The following NTSR1 variants were observed in gnomAD, a reference collection of about 807,000 sequenced individuals.
NTSR1 encodes neurotensin receptor 1.
A neutral mutation model predicts 31.2 loss-of-function variants in NTSR1; 29 were observed. That is an observed-to-expected ratio of 0.93 (90% CI 0.69 to 1.27). The LOEUF (loss-of-function observed/expected upper bound fraction) is 1.27, where lower values mean the gene tolerates loss of function less well. Ranked by LOEUF, NTSR1 falls within the 50% of genes most tolerant of loss-of-function variation. The pLI, the probability that NTSR1 is intolerant of heterozygous loss-of-function variation, is 0.00. For missense variants in NTSR1, 697 were observed against 595.4 expected (o/e 1.17, Z -1.78); for synonymous variants, 282 against 269.9 (o/e 1.04, Z -0.44).
At chr20:62,713,660 A>G (rs2147131450) in intron 1 of NTSR1, among the ~76,000 whole-genome samples, 1 of 152,308 alleles carries the variant, frequency 6.6e-6, no homozygotes, top group East Asian at 1.9e-4. Context: ...GTGTGGCCAA[A>G]TGGAAGGAGA....
chr20:62,709,021 G>A lies in NTSR1; in HGVS notation c.-187G>A. On this transcript the variant is annotated 5_prime_UTR_variant, in exon 1 of 4. Coordinates refer to ENST00000370501, the MANE Select transcript of NTSR1 (RefSeq NM_002531.3). ...GGGAGTCCGGAGGAGAGCGGAGCCC[G>A]GAGCCCGGAGCCCGGGGCGGCGCGT... is the stretch of plus-strand genomic sequence containing the variant. 1 of 466,008 alleles carries A rather than the reference G, an allele frequency of 2.1e-6. No homozygotes were observed. The highest frequency in any genetic ancestry group is 3.7e-6 in the Non-Finnish European group (1 of 270,444). The allele number at this position is 466,008 out of a possible 1,614,324, so 28.9% of individuals were successfully genotyped here.
Position 62,760,502 on chromosome 20 carries a change from G to C in NTSR1, c.*235G>C. The C allele has an allele frequency of 2.1e-6, 1 of 484,760 alleles. No homozygotes were observed. Among genetic ancestry groups the C allele is most frequent in the East Asian group, 3.1e-5 (1 of 32,260 alleles). 30.0% of individuals were successfully genotyped at this position (484,760 alleles called of 1,614,324 possible). On this transcript the variant is annotated 3_prime_UTR_variant, in exon 4 of 4. Coordinates refer to ENST00000370501, the MANE Select transcript of NTSR1 (RefSeq NM_002531.3). Reference sequence around the variant, plus strand: ...TCCCCCATCTCCTCTTTGAAAGCCAGAACAAGAGAGCGCTCCTCTCCCAGA... The same window carrying C: ...TCCCCCATCTCCTCTTTGAAAGCCACAACAAGAGAGCGCTCCTCTCCCAGA...
At chr20:62,722,704 C>A (rs550131099) in intron 1 of NTSR1, among the ~76,000 whole-genome samples, 13 of 152,360 alleles carry the variant, frequency 8.5e-5, no homozygotes, top group African/African-American at 2.6e-4. Flanking sequence ...GATGGGCTCA[C>A]CTTGTGAGTA....
chr20:62,748,419 GA>G (rs61641058), intron 1 of NTSR1, among the ~76,000 whole-genome samples: 6 of 150,778 alleles, frequency 4.0e-5, no homozygotes, highest in South Asian at 2.1e-4. Flanking sequence ...CACAGAAATA[GA>G]AAAAAAAATC....
chr20:62,737,072 TAC>T (rs1359861017), intron 1 of NTSR1, among the ~76,000 whole-genome samples: 2 of 152,210 alleles, frequency 1.3e-5, no homozygotes, highest in African/African-American at 4.8e-5. Context: ...CTTTATAAAC[TAC>T]ACAGTCTCGG....
At chr20:62,737,977 C>T (rs1284749922) in intron 1 of NTSR1, among the ~76,000 whole-genome samples, 1 of 82,886 alleles carries the variant, frequency 1.2e-5, no homozygotes, top group Non-Finnish European at 2.2e-5. Context: ...AAAATGGCCC[C>T]TTATCTCCCC....
intron 1 of NTSR1, among the ~76,000 whole-genome samples, chr20:62,740,511 G>A (rs978210721): frequency 6.6e-6 from 1 of 152,194 alleles, no homozygotes; most frequent in Non-Finnish European, 1.5e-5. Context: ...TAGGGTGAGC[G>A]GGAGACAGAT....
chr20:62,719,532 C>T (rs1295747549), intron 1 of NTSR1, among the ~76,000 whole-genome samples: 1 of 48,286 alleles, frequency 2.1e-5, no homozygotes, highest in African/African-American at 4.0e-5. Context: ...CTCTCCAGAG[C>T]TCTTTTCATC....
At chr20:62,737,828 G>A (rs1989124673) in intron 1 of NTSR1, among the ~76,000 whole-genome samples, 1 of 151,574 alleles carries the variant, frequency 6.6e-6, no homozygotes, top group South Asian at 2.1e-4. Flanking sequence ...TCCAAGTCCA[G>A]GATTGATGAC....
At chr20:62,712,196 C>T (rs1165550533) in intron 1 of NTSR1, among the ~76,000 whole-genome samples, 1 of 152,212 alleles carries the variant, frequency 6.6e-6, no homozygotes, top group Non-Finnish European at 1.5e-5. Context: ...AAAGGTTTCC[C>T]CGGAATTAGG....
At chr20:62,752,566 C>A (rs1162000832) in intron 1 of NTSR1, among the ~76,000 whole-genome samples, 1 of 152,236 alleles carries the variant, frequency 6.6e-6, no homozygotes, top group African/African-American at 2.4e-5. Context: ...GATCCTCCAA[C>A]GGGGGCAGCC....
rs537177448 is a variant in NTSR1, at chr20:62,741,333, GAA to G, written c.715-13349_715-13348del. 1.3e-5 allele frequency among the ~76,000 whole-genome samples: 2 copies of G among 150,456 alleles called. No individual in the cohort carries two copies. The highest frequency in any genetic ancestry group is 1.3e-4 in the Admixed American group (2 of 15,022). ...CTCTATAGCTCCAGCAATCAGGAGG[GAA>G]AAGATTCCAACTCCCACACTCAGGG... On this transcript the variant is annotated intron_variant, in intron 1 of 3. Coordinates refer to ENST00000370501, the MANE Select transcript of NTSR1 (RefSeq NM_002531.3). The surrounding 1 kb of genome is among the most constrained non-coding windows in gnomAD (Gnocchi z 4.3).
At chr20:62,749,866 G>A (rs6010666) in intron 1 of NTSR1, among the ~76,000 whole-genome samples, 13,006 of 152,176 alleles carry the variant, frequency 0.085, 715 homozygotes, top group African/African-American at 0.16. Flanking sequence ...AAATGGGTAC[G>A]GCTGTTACGG....
chr20:62,743,114 C>T lies in NTSR1; in HGVS notation c.715-11571C>T, dbSNP rs1405086279. Among the ~76,000 whole-genome samples, 3 of 149,404 alleles carry T rather than the reference C, an allele frequency of 2.0e-5. No homozygotes were observed. Among genetic ancestry groups the T allele is most frequent in the South Asian group, 2.1e-4 (1 of 4,756 alleles). ...AGAGAGTCAGGCTGGGAGGGGAGCA[C>T]GGAGCCGCCCCTGCTGGACACGTAT... On this transcript the variant is annotated intron_variant, in intron 1 of 3. Transcript: ENST00000370501. This position sits in a 1 kb window ranked among gnomAD's most constrained non-coding sequence, Gnocchi z 7.5.
rs557786669 is a variant in NTSR1 at position 62,742,393 on chromosome 20, C to T, written c.715-12292C>T. On this transcript the variant is annotated intron_variant, in intron 1 of 3. Transcript: ENST00000370501. This position sits in a 1 kb window ranked among gnomAD's most constrained non-coding sequence, Gnocchi z 7.1. ...CCCATCCACCATGAGTCAGGCGTGT[C>T]CCCACTGGGCAGCAAGTCCCACAGC... Among the ~76,000 whole-genome samples the T allele has an allele frequency of 1.2e-4, 18 of 149,478 alleles. 1 individual carries two copies. The South Asian group carries it at 3.8e-3, about 32-fold the overall frequency.
At chr20:62,750,322 A>G (rs886968005) in intron 1 of NTSR1, among the ~76,000 whole-genome samples, 2 of 152,216 alleles carry the variant, frequency 1.3e-5, no homozygotes, top group African/African-American at 2.4e-5. Flanking sequence ...AGGACGATCA[A>G]GGGCTGCAAA....
intron 1 of NTSR1, among the ~76,000 whole-genome samples, chr20:62,738,077 T>TTTC (rs1555811682): frequency 6.6e-6 from 1 of 151,972 alleles, no homozygotes; most frequent in African/African-American, 2.4e-5. Context: ...CCCCTCCCCC[T>TTTC]CCTCTGCCTA....
intron 1 of NTSR1, among the ~76,000 whole-genome samples, chr20:62,734,481 C>G (rs755996912): frequency 2.6e-5 from 4 of 152,222 alleles, no homozygotes; most frequent in Non-Finnish European, 5.9e-5. Flanking sequence ...TGACCTTGTG[C>G]AATGCCCACG....
chr20:62,721,056 A>G (rs1988820279), intron 1 of NTSR1, among the ~76,000 whole-genome samples: 1 of 152,240 alleles, frequency 6.6e-6, no homozygotes, highest in Non-Finnish European at 1.5e-5. Context: ...ATAATGGTCT[A>G]TTCTGGTGAA....
Sources: allele counts gnomAD v4.1 joint callset (sites outside exome capture counted in the v4.1 genomes callset), GRCh38; gene constraint gnomAD v4.1.1; non-coding constraint Gnocchi (gnomAD v3.1); transcripts MANE v1.5; gene names NCBI Gene and HGNC (gene_info 2026-07-23, HGNC 2026-07-21).